Variants in SLX4IP observed in about 807,000 individuals in gnomAD.
SLX4IP encodes protein SLX4IP.
A neutral mutation model predicts 32.9 loss-of-function variants in SLX4IP; 34 were observed. The ratio of observed to expected loss-of-function variants is 1.03; its 90% confidence interval spans 0.79 to 1.38. SLX4IP has a LOEUF of 1.38. SLX4IP is among the 40% of genes most tolerant of loss of function. The pLI, the probability that SLX4IP is intolerant of heterozygous loss-of-function variation, is 0.00. For synonymous variants in SLX4IP, 172 were observed against 171.7 expected (o/e 1.00, Z -0.01); for missense variants, 444 against 479.0 (o/e 0.93, Z 0.68).
intron 2 of SLX4IP, among the ~76,000 whole-genome samples, chr20:10,532,311 G>T (rs1428416438): frequency 1.3e-5 from 2 of 151,936 alleles, no homozygotes; most frequent in South Asian, 2.1e-4. Flanking sequence ...ATTCCACAGT[G>T]TATACATACA....
intron 1 of SLX4IP, among the ~76,000 whole-genome samples, chr20:10,454,630 C>G (rs968185351): frequency 2.0e-5 from 3 of 152,274 alleles, no homozygotes; most frequent in South Asian, 4.1e-4. Context: ...TGATATATCA[C>G]ATTTTATTTA....
chr20:10,454,425 G>A (rs887564315), intron 1 of SLX4IP, among the ~76,000 whole-genome samples: 13 of 151,234 alleles, frequency 8.6e-5, no homozygotes, highest in African/African-American at 3.2e-4. Context: ...CTCTGTATTT[G>A]TATTCCCTAA....
intron 1 of SLX4IP, among the ~76,000 whole-genome samples, chr20:10,449,381 C>T (rs1481550801): frequency 6.6e-6 from 1 of 152,208 alleles, no homozygotes; most frequent in East Asian, 1.9e-4. Context: ...CATGTAGCTT[C>T]ATTTGAGGTC....
intron 2 of SLX4IP, among the ~76,000 whole-genome samples, chr20:10,499,205 A>ACT: frequency 6.6e-6 from 1 of 152,148 alleles, no homozygotes; most frequent in Non-Finnish European, 1.5e-5. Context: ...TTTATAGCTT[A>ACT]CTCTCTTTAG....
intron 4 of SLX4IP, among the ~76,000 whole-genome samples, chr20:10,588,946 A>G (rs539258334): frequency 1.3e-5 from 2 of 152,368 alleles, no homozygotes; most frequent in Admixed American, 1.3e-4. Context: ...CTGCAAGAAA[A>G]AGAGAGATAA....
At chr20:10,502,130 G>A (rs1176628759) in intron 2 of SLX4IP, among the ~76,000 whole-genome samples, 1 of 152,166 alleles carries the variant, frequency 6.6e-6, no homozygotes, top group African/African-American at 2.4e-5. Context: ...GCAAAGATTT[G>A]TAATCCTCAG....
rs1267132999 is a variant in SLX4IP at position 10,623,748 on chromosome 20, A to AGTGCTGCC, written c.*378_*385dup. The AGTGCTGCC allele has an allele frequency of 5.1e-6, 1 of 195,244 alleles. No homozygotes were observed. Among genetic ancestry groups the AGTGCTGCC allele is most frequent in the Non-Finnish European group, 1.1e-5 (1 of 94,434 alleles). The allele number at this position is 195,244 out of a possible 1,614,324, so 12.1% of individuals were successfully genotyped here. ...ACCACACAATGGACCGTGCAAAGAC[A>AGTGCTGCC]GTGCTGCCGTGCTGCCTTTCAGCTC... On this transcript the variant is annotated 3_prime_UTR_variant, in exon 8 of 8. Coordinates refer to ENST00000334534, the MANE Select transcript of SLX4IP (RefSeq NM_001009608.3).
chr20:10,528,177 A>G (rs757709233), intron 2 of SLX4IP, among the ~76,000 whole-genome samples: 5 of 152,220 alleles, frequency 3.3e-5, no homozygotes, highest in Non-Finnish European at 7.3e-5. Context: ...TTAAGCTCCT[A>G]GAATTTAATT....
chr20:10,540,588 C>T (rs1834862886), intron 2 of SLX4IP, among the ~76,000 whole-genome samples: 1 of 152,174 alleles, frequency 6.6e-6, no homozygotes. Context: ...CTTTCAACCT[C>T]ACTCTAAATA....
At position 10,623,518 on chromosome 20, in the gene SLX4IP, A is replaced by G; in HGVS notation, c.*139A>G. On this transcript the variant is annotated 3_prime_UTR_variant, in exon 8 of 8. Transcript: ENST00000334534. Reference sequence around the variant, plus strand: ...AAATAGGAAGTGTGTTATCTGTGTTATGGCTATGGTTTGTTTTCAAAGCAT... The same window carrying G: ...AAATAGGAAGTGTGTTATCTGTGTTGTGGCTATGGTTTGTTTTCAAAGCAT... 1 of 1,284,548 alleles carries G rather than the reference A, an allele frequency of 7.8e-7. No individual in the cohort carries two copies. The highest frequency in any genetic ancestry group is 1.0e-6 in the Non-Finnish European group (1 of 956,972). The allele number at this position is 1,284,548 out of a possible 1,614,324, so 79.6% of individuals were successfully genotyped here.
chr20:10,548,779 G>A (rs181928484), intron 2 of SLX4IP, among the ~76,000 whole-genome samples: 135 of 152,302 alleles, frequency 8.9e-4, no homozygotes, highest in South Asian at 1.4e-3. Flanking sequence ...GAGTTGTCAC[G>A]AGAATTAAAT....
intron 6 of SLX4IP, among the ~76,000 whole-genome samples, chr20:10,608,596 C>G (rs1227819612): frequency 6.6e-6 from 1 of 150,638 alleles, no homozygotes; most frequent in African/African-American, 2.4e-5. Flanking sequence ...ATGGTGTGAA[C>G]CCAGGAGGCG....
chr20:10,582,871 A>G (rs2066600812), intron 4 of SLX4IP, among the ~76,000 whole-genome samples: 1 of 152,178 alleles, frequency 6.6e-6, no homozygotes, highest in African/African-American at 2.4e-5. Context: ...ATAAGCTTTA[A>G]TCATGATTTA....
chr20:10,539,638 A>G (rs548751717), intron 2 of SLX4IP, among the ~76,000 whole-genome samples: 7 of 152,320 alleles, frequency 4.6e-5, no homozygotes, highest in Admixed American at 3.3e-4. Flanking sequence ...TATGAGTGTG[A>G]AAGTTATGGA....
chr20:10,513,731 C>T (rs1410146805), intron 2 of SLX4IP, among the ~76,000 whole-genome samples: 1 of 152,214 alleles, frequency 6.6e-6, no homozygotes, highest in Non-Finnish European at 1.5e-5. Context: ...GGAGTCCTAG[C>T]TGTGCCTATC....
intron 2 of SLX4IP, among the ~76,000 whole-genome samples, chr20:10,471,072 GAC>G (rs1288259023): frequency 6.6e-6 from 1 of 152,148 alleles, no homozygotes; most frequent in Non-Finnish European, 1.5e-5. Context: ...TAATATAAAA[GAC>G]ATAATGCTGT....
intron 2 of SLX4IP, among the ~76,000 whole-genome samples, chr20:10,463,131 G>A (rs1233349874): frequency 6.6e-6 from 1 of 152,152 alleles, no homozygotes; most frequent in Non-Finnish European, 1.5e-5. Context: ...TTGGGGAGAG[G>A]GAACTGGGAG....
At chr20:10,516,802 C>T (rs2065854404) in intron 2 of SLX4IP, among the ~76,000 whole-genome samples, 2 of 152,162 alleles carry the variant, frequency 1.3e-5, no homozygotes, top group African/African-American at 4.8e-5. Flanking sequence ...CTTTCCCTTT[C>T]ACAGAATGAA....
intron 2 of SLX4IP, among the ~76,000 whole-genome samples, chr20:10,511,746 C>T (rs539739517): frequency 6.6e-5 from 10 of 152,348 alleles, no homozygotes; most frequent in South Asian, 2.1e-4. Flanking sequence ...AGTCACCACA[C>T]GGTGCTGACT....
Sources: allele counts gnomAD v4.1 joint callset (sites outside exome capture counted in the v4.1 genomes callset), GRCh38; gene constraint gnomAD v4.1.1; transcripts MANE v1.5; gene names NCBI Gene and HGNC (gene_info 2026-07-23, HGNC 2026-07-21).